Variants in ATXN1 observed in about 807,000 individuals in gnomAD.
The protein encoded by ATXN1 is ataxin-1.
Under a neutral mutation model 56.4 loss-of-function variants are expected in ATXN1, and 8 were observed. The observed-to-expected ratio is 0.14, with a 90% CI of 0.08 to 0.26. The LOEUF is 0.26. ATXN1 is among the 10% of genes least tolerant of loss of function. The pLI is 1.00. For synonymous variants in ATXN1, 514 were observed against 494.6 expected (o/e 1.04, Z -0.52); for missense variants, 987 against 1,106.5 (o/e 0.89, Z 1.53).
At chr6:16,436,681 T>G (rs1028511006) in intron 6 of ATXN1, among the ~76,000 whole-genome samples, 2 of 147,310 alleles carry the variant, frequency 1.4e-5, no homozygotes, top group East Asian at 4.0e-4. Flanking sequence ...GTGGTGTTCC[T>G]GGCACTGAGT....
intron 4 of ATXN1, among the ~76,000 whole-genome samples, chr6:16,582,452 A>C (rs1762547070): frequency 6.6e-6 from 1 of 152,124 alleles, no homozygotes; most frequent in Non-Finnish European, 1.5e-5. Context: ...AAAATTAAAG[A>C]CCTTGTCTCA....
At chr6:16,464,766 AG>A (rs1346117006) in intron 6 of ATXN1, among the ~76,000 whole-genome samples, 1 of 149,608 alleles carries the variant, frequency 6.7e-6, no homozygotes, top group Non-Finnish European at 1.5e-5. Flanking sequence ...AAAAAAAATC[AG>A]GGGTTTTGGG....
chr6:16,693,409 A>G (rs1232291501), intron 2 of ATXN1, among the ~76,000 whole-genome samples: 1 of 152,174 alleles, frequency 6.6e-6, no homozygotes, highest in Non-Finnish European at 1.5e-5. Context: ...AGGTATGTGA[A>G]AGGGCTTTGG....
chr6:16,504,185 T>C (rs1017154092), intron 5 of ATXN1, among the ~76,000 whole-genome samples: 1 of 152,202 alleles, frequency 6.6e-6, no homozygotes, highest in African/African-American at 2.4e-5. Context: ...GCTAGCAGTT[T>C]GGGCTGCTCA....
intron 2 of ATXN1, among the ~76,000 whole-genome samples, chr6:16,713,873 C>G (rs775371439): frequency 2.0e-5 from 3 of 152,126 alleles, no homozygotes; most frequent in Non-Finnish European, 4.4e-5. Flanking sequence ...TTAACTGGTC[C>G]CTGGCCGCGC....
At chr6:16,315,921 G>A (rs1275928061) in intron 7 of ATXN1, among the ~76,000 whole-genome samples, 1 of 152,054 alleles carries the variant, frequency 6.6e-6, no homozygotes, top group Non-Finnish European at 1.5e-5. Flanking sequence ...GGCCTCAAGT[G>A]CCCTCTTGCC....
intron 6 of ATXN1, among the ~76,000 whole-genome samples, chr6:16,460,630 A>T (rs927955399): frequency 1.3e-4 from 20 of 152,218 alleles, no homozygotes; most frequent in Non-Finnish European, 2.2e-4. Flanking sequence ...CAGAGGATGG[A>T]GAACCAATCG....
chr6:16,748,412 G>A (rs1052737226), intron 2 of ATXN1, among the ~76,000 whole-genome samples: 1 of 152,102 alleles, frequency 6.6e-6, no homozygotes, highest in African/African-American at 2.4e-5. Context: ...GCTTCTTAAG[G>A]ACAGGGCTTA....
chr6:16,335,752 C>T (rs1193066730), intron 6 of ATXN1, among the ~76,000 whole-genome samples: 1 of 152,122 alleles, frequency 6.6e-6, no homozygotes, highest in East Asian at 1.9e-4. Flanking sequence ...GACAAATGTC[C>T]TTATAAGAGA....
At chr6:16,701,383 A>G (rs941883717) in intron 2 of ATXN1, among the ~76,000 whole-genome samples, 5 of 152,282 alleles carry the variant, frequency 3.3e-5, no homozygotes, top group African/African-American at 1.2e-4. Context: ...CGGGGCAGAG[A>G]AGGGGAGAAG....
At chr6:16,350,517 C>T (rs553101419) in intron 6 of ATXN1, among the ~76,000 whole-genome samples, 2 of 152,234 alleles carry the variant, frequency 1.3e-5, no homozygotes, top group Non-Finnish European at 2.9e-5. Context: ...ATACCTCTCT[C>T]GCACTTCACT....
At chr6:16,443,207 GCAAA>G (rs1288635058) in intron 6 of ATXN1, among the ~76,000 whole-genome samples, 4 of 23,940 alleles carry the variant, frequency 1.7e-4, no homozygotes, top group African/African-American at 8.6e-4. Context: ...ATCTATTGGA[GCAAA>G]AAAAAAAAAA....
chr6:16,347,308 G>A (rs933394845), intron 6 of ATXN1, among the ~76,000 whole-genome samples: 12 of 152,260 alleles, frequency 7.9e-5, no homozygotes, highest in Non-Finnish European at 1.6e-4. Flanking sequence ...TGAGTCTGGT[G>A]GGGCCTTGGA....
intron 2 of ATXN1, among the ~76,000 whole-genome samples, chr6:16,752,562 T>C (rs10456790): frequency 0.074 from 11,201 of 152,246 alleles, 477 homozygotes; most frequent in East Asian, 0.12. Context: ...TCTCCCTTGG[T>C]TACATACACT....
intron 3 of ATXN1, among the ~76,000 whole-genome samples, chr6:16,617,766 C>CACAAAA (rs753668709): frequency 3.4e-5 from 3 of 89,504 alleles, no homozygotes; most frequent in African/African-American, 1.4e-4. Flanking sequence ...AACTCTGTCT[C>CACAAAA]AAAAAAAAAA....
At chr6:16,366,304 A>G (rs990401916) in intron 6 of ATXN1, among the ~76,000 whole-genome samples, 1 of 152,120 alleles carries the variant, frequency 6.6e-6, no homozygotes, top group South Asian at 2.1e-4. Context: ...ACATTATATT[A>G]CCCAGAATAC....
chr6:16,538,353 C>T (rs1761645127), intron 4 of ATXN1, among the ~76,000 whole-genome samples: 1 of 152,240 alleles, frequency 6.6e-6, no homozygotes, highest in Admixed American at 6.5e-5. Context: ...TAGGTGTTTG[C>T]TTTTATTGAC....
At chr6:16,432,698 TCTCTTC>T (rs1246807546) in intron 6 of ATXN1, 1 of 151,626 alleles carries the variant, frequency 6.6e-6, no homozygotes, top group Admixed American at 6.6e-5. Flanking sequence ...TTTCTTTTCT[TCTCTTC>T]TTCTTCTTCT....
At chr6:16,527,834 CT>C (rs1282494806) in intron 4 of ATXN1, among the ~76,000 whole-genome samples, 1 of 152,166 alleles carries the variant, frequency 6.6e-6, no homozygotes, top group Non-Finnish European at 1.5e-5. Context: ...TAACAAATCT[CT>C]TTTCATAGTA....
Sources: allele counts gnomAD v4.1 joint callset (sites outside exome capture counted in the v4.1 genomes callset), GRCh38; gene constraint gnomAD v4.1.1; transcripts MANE v1.5; gene names NCBI Gene and HGNC (gene_info 2026-07-23, HGNC 2026-07-21).